SDC3: variants seen among roughly 807,000 people sequenced by gnomAD.
SDC3 encodes the protein syndecan 3.
A neutral mutation model predicts 24.4 loss-of-function variants in SDC3; 13 were observed. The ratio of observed to expected loss-of-function variants is 0.53; its 90% CI spans 0.35 to 0.85. SDC3 has a LOEUF of 0.85. SDC3 is among the 40% of genes least tolerant of loss of function. The pLI is 0.01. For missense variants in SDC3, 571 were observed against 584.5 expected, an observed-to-expected ratio of 0.98 and a Z score of 0.24; for synonymous variants, 295 against 260.9, an observed-to-expected ratio of 1.13 and a Z score of -1.26.
intron 1 of SDC3, chr1:30,878,968 T>A: frequency 1.9e-6 from 1 of 523,998 alleles, no homozygotes. Flanking sequence ...GTCTGGCTGA[T>A]GACTTTCTCT....
intron 1 of SDC3, among the ~76,000 whole-genome samples, chr1:30,881,056 A>T (rs1639736702): frequency 6.9e-6 from 1 of 145,214 alleles, no homozygotes; most frequent in Admixed American, 6.8e-5. Context: ...CACACACACG[A>T]CAGCCCAACA....
rs925119634 is a variant in SDC3, at chr1:30,904,449, G to C, written c.138+4000C>G. ...CCCTATGCCCGCTTGTATGAGGTGG[G>C]AGGAGCCACTGGGTTTCAAAAGGCC... On this transcript the variant is annotated intron_variant, in intron 1 of 4. Transcript: ENST00000339394. 2.6e-5 allele frequency among the ~76,000 whole-genome samples: 4 copies of C among 152,050 alleles called. No homozygotes were observed. In the East Asian group the frequency reaches 7.7e-4, roughly 29 times the overall value.
chr1:30,876,751 G>A lies in SDC3; in HGVS notation c.671C>T (p.Ala224Val), dbSNP rs1639646079. The change falls in exon 3 of 5, where the codon GCC becomes GTC. Residue 224 changes from alanine (A) to valine (V), a missense_variant. This residue lies in a region of SDC3 where 497 missense variants were observed against 471.6 expected (regional missense o/e 1.05). Transcript: ENST00000339394. Reference sequence around the variant, plus strand: ...CGGGGAGGGCGCCTCGGGGGTAGTGGCCCGTGCCGTAGCCACTGTGGTCAG... The same window carrying A: ...CGGGGAGGGCGCCTCGGGGGTAGTGACCCGTGCCGTAGCCACTGTGGTCAG... ...LPLTTVATAR[A>V]TTPEAPSPPT... The A allele has an allele frequency of 1.9e-6, 3 of 1,589,228 alleles. No individual in the cohort carries two copies. The highest frequency in any genetic ancestry group is 3.5e-5 in the Admixed American group (2 of 56,912).
chr1:30,885,724 A>G (rs917118289), intron 1 of SDC3, among the ~76,000 whole-genome samples: 3 of 152,222 alleles, frequency 2.0e-5, no homozygotes, highest in Non-Finnish European at 4.4e-5. Context: ...CCCTGGCATC[A>G]GCCTGTCTGG....
intron 1 of SDC3, chr1:30,880,765 A>AGCAG (rs1639731833): frequency 6.6e-6 from 1 of 152,170 alleles, no homozygotes; most frequent in African/African-American, 2.4e-5. Context: ...CCTGGGAGGC[A>AGCAG]GCAGGGAAAG....
At chr1:30,901,760 A>T (rs1325236355) in intron 1 of SDC3, among the ~76,000 whole-genome samples, 1 of 152,080 alleles carries the variant, frequency 6.6e-6, no homozygotes, top group Non-Finnish European at 1.5e-5. Context: ...GTAGTTCTTC[A>T]GTAAGACCCA....
chr1:30,873,027 C>T lies in SDC3; in HGVS notation c.*184G>A, dbSNP rs1218355696. The stretch of plus-strand genomic sequence containing the variant: ...TAAGGGCACAGTCTGGGGCAGATGG[C>T]AGCAGCCCCTCTTCCTCGGGGAAGA... On this transcript the variant is annotated 3_prime_UTR_variant, in exon 5 of 5. Coordinates refer to ENST00000339394, the MANE Select transcript of SDC3 (RefSeq NM_014654.4). 5 of 614,528 alleles carry T rather than the reference C, an allele frequency of 8.1e-6. No individual in the cohort carries two copies. The highest frequency in any genetic ancestry group is 1.5e-5 in the Non-Finnish European group (5 of 344,122). The allele number at this position is 614,528 out of a possible 1,614,324, so 38.1% of individuals were successfully genotyped here.
At position 30,869,557 on chromosome 1, in the gene SDC3, A is replaced by C. The variant is rs368832722; in HGVS notation, c.*3654T>G. 2.0e-4 allele frequency: 74 copies of C among 376,388 alleles called. No homozygotes were observed. The highest frequency in any genetic ancestry group is 3.1e-4 in the Non-Finnish European group (68 of 218,576). The allele number at this position is 376,388 out of a possible 1,614,324, so 23.3% of individuals were successfully genotyped here. A position where few individuals can be genotyped will look rare whatever the true frequency, so the allele number is the denominator to read the frequency against. On this transcript the variant is annotated 3_prime_UTR_variant, in exon 5 of 5. Coordinates refer to ENST00000339394, the MANE Select transcript of SDC3 (RefSeq NM_014654.4). The stretch of plus-strand genomic sequence containing the variant: ...CAAACAAAAAAAAAAAAAAAAAAAA[A>C]AAAACAAAAACAAAACCAGTTCCTT...
rs779505404 is a variant in SDC3 at position 30,876,717 on chromosome 1, C to T, written c.705G>A (p.Thr235=). ...TTPEAPSPPT[T]AAVLDTEAPT... is the part of the protein sequence containing the mutation. Reference sequence around the variant, plus strand: ...GGGCCTCGGTGTCCAAGACAGCCGCCGTGGTGGGCGGGGAGGGCGCCTCGG... The same window carrying T: ...GGGCCTCGGTGTCCAAGACAGCCGCTGTGGTGGGCGGGGAGGGCGCCTCGG... The change falls in exon 3 of 5, where the codon ACG becomes ACA. Residue 235 remains threonine (T), a synonymous_variant. Transcript: ENST00000339394. The T allele has an allele frequency of 9.4e-6, 15 of 1,595,856 alleles. No homozygotes were observed. The highest frequency in any genetic ancestry group is 1.7e-5 in the Admixed American group (1 of 57,368).
In SDC3 at chr1:30,891,748, A is replaced by G. The variant is rs1380947600; in HGVS notation, c.139-13008T>C. Reference sequence around the variant, plus strand: ...CACACCTGTAATCCCAGCTACTCAGAAGGCTGAGGCAGGAGGATGGCTTGA... The same window carrying G: ...CACACCTGTAATCCCAGCTACTCAGGAGGCTGAGGCAGGAGGATGGCTTGA... On this transcript the variant is annotated intron_variant, in intron 1 of 4. Transcript: ENST00000339394. Among the ~76,000 whole-genome samples, 4 of 151,704 alleles carry G rather than the reference A, an allele frequency of 2.6e-5. No individual in the cohort carries two copies. In the East Asian group the frequency reaches 7.7e-4, roughly 29 times the overall value.
Position 30,874,549 on chromosome 1 carries a change from C to T in SDC3, c.910G>A (p.Glu304Lys). 6.2e-7 allele frequency: 1 copy of T among 1,614,142 alleles called. No individual in the cohort carries two copies. Among genetic ancestry groups the T allele is most frequent in the Non-Finnish European group, 8.5e-7 (1 of 1,180,022 alleles). The change falls in exon 4 of 5, where the codon GAG becomes AAG. Residue 304 changes from glutamate (E) to lysine (K), a missense_variant. Physicochemically the swap from Glu to Lys is moderately conservative, Grantham distance 56. Around this residue, in one of 2 missense-constraint regions of SDC3, gnomAD observed 497 missense variants for 471.6 expected, o/e 1.05. Coordinates refer to ENST00000339394, the MANE Select transcript of SDC3 (RefSeq NM_014654.4). ...PETFLTTIRD[E>K]PEVPVSGGPS... ...CCCCCACTCACCGGAACCTCTGGCTCATCCCGGATTGTGGTCAGGAAGGTC... is the reference window on the plus strand; with the variant it reads ...CCCCCACTCACCGGAACCTCTGGCTTATCCCGGATTGTGGTCAGGAAGGTC...
Position 30,876,796 on chromosome 1 carries a change from C to T in SDC3, c.626G>A (p.Arg209Gln), listed in dbSNP as rs1223993583. The stretch of plus-strand genomic sequence containing the variant: ...GGTCAGTGGGAGAGGCAGAAGCCTC[C>T]GTACGCCAGTGGTCCTTATAACAGC... ...TTAVIRTTGV[R>Q]RLLPLPLTTV... is the part of the protein sequence containing the mutation. The change falls in exon 3 of 5, where the codon CGG becomes CAG. Residue 209 changes from arginine to glutamine, a missense_variant. Around this residue, in one of 2 missense-constraint regions of SDC3, gnomAD observed 497 missense variants for 471.6 expected, o/e 1.05. Transcript: ENST00000339394. The T allele has an allele frequency of 7.5e-6, 12 of 1,599,036 alleles. No homozygotes were observed. Among genetic ancestry groups the T allele is most frequent in the Middle Eastern group, 1.7e-4 (1 of 5,984 alleles).
rs562392742 is a variant in SDC3 at position 30,871,031 on chromosome 1, C to A, written c.*2180G>T. The stretch of plus-strand genomic sequence containing the variant: ...CCAAAGATGACTGAGGCCAACCCGC[C>A]CCCTCCAGATATCAGGGGCCCCCCA... On this transcript the variant is annotated 3_prime_UTR_variant, in exon 5 of 5. Coordinates refer to ENST00000339394, the MANE Select transcript of SDC3 (RefSeq NM_014654.4). The A allele has an allele frequency of 6.6e-6, 1 of 152,570 alleles. No individual in the cohort carries two copies. Among genetic ancestry groups the A allele is most frequent in the African/African-American group, 2.4e-5 (1 of 41,576 alleles). 9.5% of individuals were successfully genotyped at this position (152,570 alleles called of 1,614,324 possible).
At chr1:30,885,106 G>A (rs772885726) in intron 1 of SDC3, among the ~76,000 whole-genome samples, 7 of 152,144 alleles carry the variant, frequency 4.6e-5, no homozygotes, top group Non-Finnish European at 7.3e-5. Flanking sequence ...TCTCAATTCC[G>A]ATGTGACTTT....
intron 3 of SDC3, 32 bp from the exon 4 acceptor site, chr1:30,874,620 C>A: frequency 6.2e-7 from 1 of 1,600,994 alleles, no homozygotes; most frequent in Non-Finnish European, 8.5e-7. Flanking sequence ...CCCAGGACAA[C>A]CACACATGCA....
chr1:30,878,746 G>A lies in SDC3; in HGVS notation c.139-6C>T. 1 of 1,613,348 alleles carries A rather than the reference G, an allele frequency of 6.2e-7. No homozygotes were observed. Among genetic ancestry groups the A allele is most frequent in the Middle Eastern group, 1.6e-4 (1 of 6,062 alleles). On this transcript the variant is annotated splice_region_variant and splice_polypyrimidine_tract_variant and intron_variant, in intron 1 of 4. Coordinates refer to ENST00000339394, the MANE Select transcript of SDC3 (RefSeq NM_014654.4). Reference sequence around the variant, plus strand: ...TCACTGCGCCAGCGCTGGGCCTAGGGAAGGTAGAGGTGGACACAGGGCTCG... The same window carrying A: ...TCACTGCGCCAGCGCTGGGCCTAGGAAAGGTAGAGGTGGACACAGGGCTCG...
intron 1 of SDC3, among the ~76,000 whole-genome samples, chr1:30,907,236 C>T (rs569097680): frequency 5.3e-5 from 8 of 152,260 alleles, no homozygotes; most frequent in East Asian, 3.9e-4. Context: ...ATCCCCAGCC[C>T]GCCTGAGCCA....
Position 30,908,706 on chromosome 1 carries a change from C to T in SDC3, c.-120G>A, listed in dbSNP as rs1021996904. ...GGCGGCTGGACCGACGCGCTCTAGG[C>T]TCGCGGGCTCCCGGCTCGGCCGCCC... On this transcript the variant is annotated 5_prime_UTR_variant, in exon 1 of 5. Coordinates refer to ENST00000339394, the MANE Select transcript of SDC3 (RefSeq NM_014654.4). The T allele has an allele frequency of 6.9e-4, 173 of 250,698 alleles. No homozygotes were observed. Among genetic ancestry groups the T allele is most frequent in the Non-Finnish European group, 9.8e-4 (159 of 161,918 alleles). The allele number at this position is 250,698 out of a possible 1,614,324, so 15.5% of individuals were successfully genotyped here. A position where few individuals can be genotyped will look rare whatever the true frequency, so the allele number is the denominator to read the frequency against.
At position 30,870,074 on chromosome 1, in the gene SDC3, C is replaced by T. The variant is rs1639505894; in HGVS notation, c.*3137G>A. ...GGTTGTAGTTGTTGGGAGAAGAAAT[C>T]CAGAGAACACAGGAGGCAGCCACTC... is the stretch of plus-strand genomic sequence containing the variant. On this transcript the variant is annotated 3_prime_UTR_variant, in exon 5 of 5. Transcript: ENST00000339394. 2 of 396,528 alleles carry T rather than the reference C, an allele frequency of 5.0e-6. No individual in the cohort carries two copies. Among genetic ancestry groups the T allele is most frequent in the African/African-American group, 2.1e-5 (1 of 48,572 alleles). The allele number at this position is 396,528 out of a possible 1,614,324, so 24.6% of individuals were successfully genotyped here.
Sources: allele counts gnomAD v4.1 joint callset (sites outside exome capture counted in the v4.1 genomes callset), GRCh38; gene constraint gnomAD v4.1.1; regional missense constraint gnomAD v4.1.1; transcripts MANE v1.5; gene names NCBI Gene and HGNC (gene_info 2026-07-23, HGNC 2026-07-21).